The following NUP188 variants were observed in gnomAD, a reference collection of about 807,000 sequenced individuals.
NUP188 encodes the protein nucleoporin NUP188.
A neutral mutation model predicts 223.0 loss-of-function variants in NUP188; 97 were observed. That is an observed-to-expected ratio of 0.43 (90% CI 0.37 to 0.51). The LOEUF is 0.51. NUP188 is among the 20% of genes least tolerant of loss of function. NUP188 has a pLI of 0.00. For missense variants in NUP188, 1,947 were observed against 2,175.6 expected, an observed-to-expected ratio of 0.89 and a Z score of 2.09; for synonymous variants, 869 against 828.0, an observed-to-expected ratio of 1.05 and a Z score of -0.85.
In NUP188 at chr9:128,956,451, A is replaced by G. The variant is rs762947878; in HGVS notation, c.246+17A>G. On this transcript the variant is annotated intron_variant, in intron 4 of 43. Transcript: ENST00000372577. Reference sequence around the variant, plus strand: ...AAGTTTTTGGTGAGTAAAAATTAGCACTCGCTCAATTTATTACTTGCAGTG... The same window carrying G: ...AAGTTTTTGGTGAGTAAAAATTAGCGCTCGCTCAATTTATTACTTGCAGTG... The G allele has an allele frequency of 6.4e-6, 9 of 1,409,912 alleles. No homozygotes were observed. In the South Asian group the frequency reaches 7.8e-5, roughly 12 times the overall value. The allele number at this position is 1,409,912 out of a possible 1,614,324, so 87.3% of individuals were successfully genotyped here.
At chr9:129,005,952 T>C in intron 41 of NUP188, 98 bp from the exon 42 acceptor site, 1 of 1,436,540 alleles carries the variant, frequency 7.0e-7, no homozygotes, top group Non-Finnish European at 9.7e-7. Context: ...ATGAGGTAAC[T>C]GATTAAATTT....
intron 12 of NUP188, among the ~76,000 whole-genome samples, chr9:128,977,479 A>T (rs914147669): frequency 7.2e-5 from 11 of 152,122 alleles, no homozygotes; most frequent in Admixed American, 2.6e-4. Context: ...TGTGTATGCT[A>T]AGCTCTGTGC....
chr9:128,958,790 T>G lies in NUP188; in HGVS notation c.373-12T>G. On this transcript the variant is annotated splice_polypyrimidine_tract_variant and intron_variant, in intron 6 of 43. Coordinates refer to ENST00000372577, the MANE Select transcript of NUP188 (RefSeq NM_015354.3). ...AAGGTGAGTAACTGATTTTGAATTT[T>G]GGGTTCCTCAGATTGCAGATTATTA... The G allele has an allele frequency of 6.6e-7, 1 of 1,520,066 alleles. No individual in the cohort carries two copies. Among genetic ancestry groups the G allele is most frequent in the Non-Finnish European group, 9.0e-7 (1 of 1,113,202 alleles). The allele number at this position is 1,520,066 out of a possible 1,614,324, so 94.2% of individuals were successfully genotyped here. A position where few individuals can be genotyped will look rare whatever the true frequency, so the allele number is the denominator to read the frequency against.
intron 41 of NUP188, 130 bp downstream of exon 41, chr9:129,005,906 C>T (rs1177918943): frequency 7.1e-7 from 1 of 1,409,604 alleles, no homozygotes; most frequent in Admixed American, 1.9e-5. Flanking sequence ...GTAAACTGAA[C>T]ATGACAGCAC....
intron 12 of NUP188, among the ~76,000 whole-genome samples, chr9:128,975,559 G>A (rs1236651858): frequency 1.3e-5 from 2 of 151,414 alleles, no homozygotes; most frequent in African/African-American, 2.4e-5. Flanking sequence ...TCGCTCTGTC[G>A]CCCAGGCTGG....
chr9:128,993,149 T>G (rs747592443), intron 25 of NUP188, 48 bp from the exon 26 acceptor site: 6 of 1,533,098 alleles, frequency 3.9e-6, no homozygotes, highest in Non-Finnish European at 5.4e-6. Flanking sequence ...CCCATTGAGG[T>G]TTTTGTGGAA....
In NUP188 at chr9:128,974,719, A is replaced by G. The variant is rs530672889; in HGVS notation, c.1203+1470A>G. Among the ~76,000 whole-genome samples, 264 of 152,040 alleles carry G rather than the reference A, an allele frequency of 1.7e-3. 3 individuals are homozygous for G. The highest frequency in any genetic ancestry group is 0.011 in the South Asian group (54 of 4,820). On this transcript the variant is annotated intron_variant, in intron 12 of 43. Transcript: ENST00000372577. Reference sequence around the variant, plus strand: ...TAACTTAATCTACAGACATTTCAACAAAACTTAACATTACAACCGTTATCA... The same window carrying G: ...TAACTTAATCTACAGACATTTCAACGAAACTTAACATTACAACCGTTATCA...
Position 128,973,175 on chromosome 9 carries a change from G to A in NUP188, c.1129G>A (p.Ala377Thr). ...GTCATTCCAGTGCACCACCAGCACTGCATGCATGTGTGTCTATGGACTGCT... is the reference window on the plus strand; with the variant it reads ...GTCATTCCAGTGCACCACCAGCACTACATGCATGTGTGTCTATGGACTGCT... ...SGGNDCTTST[A>T]CMCVYGLLSF... Residue 377 changes from alanine to threonine, a missense_variant, in exon 12 of 44, where the codon GCA becomes ACA. Transcript: ENST00000372577. The A allele has an allele frequency of 6.2e-7, 1 of 1,612,586 alleles. No homozygotes were observed. The highest frequency in any genetic ancestry group is 8.5e-7 in the Non-Finnish European group (1 of 1,179,126).
intron 12 of NUP188, among the ~76,000 whole-genome samples, chr9:128,973,748 A>G (rs1431663962): frequency 2.0e-5 from 3 of 152,180 alleles, no homozygotes; most frequent in Non-Finnish European, 4.4e-5. Flanking sequence ...AATGCTGTAA[A>G]AAGAAAAAAG....
At position 128,952,860 on chromosome 9, in the gene NUP188, G is replaced by T; in HGVS notation, c.161+14G>T. On this transcript the variant is annotated intron_variant, in intron 3 of 43. Transcript: ENST00000372577. ...CAAACCTCCCAGGTATGGCAGTTCC[G>T]GGTGTCTGGTTAAAGTAATTGTCCT... The T allele has an allele frequency of 6.2e-7, 1 of 1,606,094 alleles. No homozygotes were observed. The highest frequency in any genetic ancestry group is 8.5e-7 in the Non-Finnish European group (1 of 1,172,838).
At chr9:128,983,698 T>G (rs1842289186) in intron 19 of NUP188, 148 bp downstream of exon 19, 2 of 639,670 alleles carry the variant, frequency 3.1e-6, no homozygotes, top group Non-Finnish European at 5.4e-6. Flanking sequence ...CAGGCTGGAG[T>G]GCAGTGGTGC....
rs1842456920 is a variant in NUP188, at chr9:128,992,962, A to G, written c.2641-235A>G. 1.1e-5 allele frequency: 6 copies of G among 527,528 alleles called. No individual in the cohort carries two copies. In the South Asian group the frequency reaches 1.4e-4, roughly 12 times the overall value. 32.7% of individuals were successfully genotyped at this position (527,528 alleles called of 1,614,324 possible). ...AAAAATGTTTCACTTTTCAGTTTGT[A>G]TTTATTTAACCATGAGGGAAGTTGA... On this transcript the variant is annotated intron_variant, in intron 25 of 43. Coordinates refer to ENST00000372577, the MANE Select transcript of NUP188 (RefSeq NM_015354.3).
intron 12 of NUP188, among the ~76,000 whole-genome samples, chr9:128,974,565 AGAG>A (rs1389223657): frequency 6.6e-6 from 1 of 151,934 alleles, no homozygotes; most frequent in Non-Finnish European, 1.5e-5. Flanking sequence ...AACTTATACC[AGAG>A]AAGACAAAAT....
In NUP188 at chr9:128,993,577, A is replaced by T. The variant is rs760705403; in HGVS notation, c.2900A>T (p.Asp967Val). The T allele has an allele frequency of 6.2e-7, 1 of 1,614,118 alleles. No homozygotes were observed. The highest frequency in any genetic ancestry group is 8.5e-7 in the Non-Finnish European group (1 of 1,180,020). ...CTCCATGCAGTGCTGGAGCTGATTGATTCCCAACAGCAAGATCGATACTGG... is the reference window on the plus strand; with the variant it reads ...CTCCATGCAGTGCTGGAGCTGATTGTTTCCCAACAGCAAGATCGATACTGG... Reference protein sequence around the residue: ...SCLHAVLELIDSQQQDRYWCP... With the variant: ...SCLHAVLELIVSQQQDRYWCP... Residue 967 changes from aspartate (D) to valine (V), a missense_variant, in exon 27 of 44, where the codon GAT becomes GTT. Asp to Val is a radical substitution (Grantham distance 152). This residue lies in a region of NUP188 where 905 missense variants were observed against 990.6 expected (regional missense o/e 0.91). Coordinates refer to ENST00000372577, the MANE Select transcript of NUP188 (RefSeq NM_015354.3).
intron 38 of NUP188, chr9:129,004,933 C>A: frequency 1.7e-6 from 1 of 580,816 alleles, no homozygotes; most frequent in Non-Finnish European, 3.1e-6. Flanking sequence ...GGGCTTTAAG[C>A]TGGAAAGTGG....
chr9:128,975,369 G>A (rs374271625), intron 12 of NUP188, among the ~76,000 whole-genome samples: 78 of 150,920 alleles, frequency 5.2e-4, no homozygotes, highest in African/African-American at 1.7e-3. Flanking sequence ...GACAACAGGC[G>A]CCTGCCACCA....
chr9:128,952,013 C>T (rs1490624229), intron 2 of NUP188, among the ~76,000 whole-genome samples: 1 of 152,024 alleles, frequency 6.6e-6, no homozygotes, highest in Non-Finnish European at 1.5e-5. Context: ...GGCTGGTCTC[C>T]AACTCCCAAC....
intron 12 of NUP188, among the ~76,000 whole-genome samples, chr9:128,978,670 A>G (rs1453099545): frequency 6.6e-6 from 1 of 151,974 alleles, no homozygotes; most frequent in Non-Finnish European, 1.5e-5. Flanking sequence ...ATATAAATAA[A>G]TAAATAAGTC....
chr9:128,992,268 ACTGCAG>A (rs1842447101), intron 25 of NUP188, among the ~76,000 whole-genome samples: 1 of 151,918 alleles, frequency 6.6e-6, no homozygotes, highest in Non-Finnish European at 1.5e-5. Context: ...GCATGATCTC[ACTGCAG>A]CCTCCACTCC....
Sources: gnomAD v4.1 joint callset for allele counts (sites outside exome capture counted in the v4.1 genomes callset) on GRCh38, gnomAD v4.1.1 for gene constraint, gnomAD v4.1.1 regional missense constraint, MANE v1.5 for transcripts, NCBI Gene and HGNC (gene_info 2026-07-23, HGNC 2026-07-21) for gene names.